ABLIM2: variants seen among roughly 807,000 people sequenced by gnomAD.
The protein encoded by ABLIM2 is actin binding LIM protein family member 2.
Under a neutral mutation model 97.7 loss-of-function variants are expected in ABLIM2, and 53 were observed. The ratio of observed to expected loss-of-function variants is 0.54; its 90% confidence interval spans 0.44 to 0.68. The LOEUF is 0.68. ABLIM2 is among the 30% of genes least tolerant of loss of function. ABLIM2 has a pLI of 0.00. For synonymous variants in ABLIM2, 361 were observed against 345.8 expected (o/e 1.04, Z -0.49); for missense variants, 835 against 867.2 (o/e 0.96, Z 0.47).
chr4:8,123,761 C>A lies in ABLIM2; in HGVS notation c.11-17124G>T, dbSNP rs1011107562. 5.9e-5 allele frequency among the ~76,000 whole-genome samples: 9 copies of A among 152,098 alleles called. No individual in the cohort carries two copies. Among genetic ancestry groups the A allele is most frequent in the African/African-American group, 2.2e-4 (9 of 41,404 alleles). ...TACACATGGGCAGGCAGGGGTGTGC[C>A]GGCATTGGGTCACACAGCCCAACTG... On this transcript the variant is annotated intron_variant, in intron 1 of 20. Coordinates refer to ENST00000447017, the MANE Select transcript of ABLIM2 (RefSeq NM_001130083.2). The surrounding 1 kb of genome is among the most constrained non-coding windows in gnomAD (Gnocchi z 6.2).
chr4:8,010,430 C>T (rs1173364790), intron 14 of ABLIM2: 12 of 985,794 alleles, frequency 1.2e-5, no homozygotes, highest in African/African-American at 3.5e-5. Flanking sequence ...GGCTTCTTAC[C>T]TGCAGCGGGC....
intron 1 of ABLIM2, among the ~76,000 whole-genome samples, chr4:8,143,436 A>T (rs1048348827): frequency 6.6e-6 from 1 of 151,828 alleles, no homozygotes; most frequent in Non-Finnish European, 1.5e-5. Flanking sequence ...CCTGCACCCT[A>T]CCCAGGGCCT....
intron 1 of ABLIM2, among the ~76,000 whole-genome samples, chr4:8,157,504 C>T (rs1335503663): frequency 2.6e-5 from 4 of 152,340 alleles, no homozygotes; most frequent in Middle Eastern, 3.4e-3. Context: ...CAAAGGCTCC[C>T]GGCAACGCCG....
At position 7,984,888 on chromosome 4, in the gene ABLIM2, G is replaced by A. The variant is rs569684960; in HGVS notation, c.1686C>T (p.Ala562=). The A allele has an allele frequency of 6.2e-7, 1 of 1,609,108 alleles. No individual in the cohort carries two copies. The highest frequency in any genetic ancestry group is 1.1e-5 in the South Asian group (1 of 89,568). ...HGKNGLDQRN[A]NLAPCGADPD... The stretch of plus-strand genomic sequence containing the variant: ...GGTCTGCTCCACAGGGGGCCAGATT[G>A]GCATTCTGGAAGAGAAAGAGAGGTT... The change falls in exon 18 of 21, where the codon GCC becomes GCT. Residue 562 remains alanine, a synonymous_variant. Transcript: ENST00000447017.
intron 7 of ABLIM2, among the ~76,000 whole-genome samples, chr4:8,057,894 G>C (rs1018940169): frequency 6.6e-6 from 1 of 152,234 alleles, no homozygotes; most frequent in Non-Finnish European, 1.5e-5. Context: ...GTCTCAGGAT[G>C]ACCAGGCAGG....
intron 18 of ABLIM2, 150 bp from the exon 19 acceptor site, chr4:7,983,704 C>A: frequency 1.0e-6 from 1 of 998,562 alleles, no homozygotes; most frequent in Non-Finnish European, 1.5e-6. Context: ...TGCACTGAGG[C>A]CCTAATCTCA....
chr4:7,992,083 G>GT lies in ABLIM2; in HGVS notation c.1680+782dup, dbSNP rs1222569357. Among the ~76,000 whole-genome samples the GT allele has an allele frequency of 6.6e-6, 1 of 152,170 alleles. No homozygotes were observed. Among genetic ancestry groups the GT allele is most frequent in the East Asian group, 1.9e-4 (1 of 5,192 alleles). On this transcript the variant is annotated intron_variant, in intron 17 of 20. Coordinates refer to ENST00000447017, the MANE Select transcript of ABLIM2 (RefSeq NM_001130083.2). The surrounding 1 kb of genome is among the most constrained non-coding windows in gnomAD (Gnocchi z 5.7). ...GGGGAGACCCCTGGGCTGTGTGTGT[G>GT]TGTCTGTGTGTTGGGGGGTCTGGGA...
In ABLIM2 at chr4:8,061,113, C is replaced by A; in HGVS notation, c.676-59G>T. 1 of 1,454,714 alleles carries A rather than the reference C, an allele frequency of 6.9e-7. No individual in the cohort carries two copies. Among genetic ancestry groups the A allele is most frequent in the Non-Finnish European group, 9.4e-7 (1 of 1,061,752 alleles). 90.1% of individuals were successfully genotyped at this position (1,454,714 alleles called of 1,614,324 possible). On this transcript the variant is annotated intron_variant, in intron 6 of 20. Coordinates refer to ENST00000447017, the MANE Select transcript of ABLIM2 (RefSeq NM_001130083.2). This position sits in a 1 kb window ranked among gnomAD's most constrained non-coding sequence, Gnocchi z 4.5. Reference sequence around the variant, plus strand: ...TAAAGCCAGAAAGGTCGGCTGGGTCCCAGCGCCCGGCATGGATACAGCATG... The same window carrying A: ...TAAAGCCAGAAAGGTCGGCTGGGTCACAGCGCCCGGCATGGATACAGCATG...
chr4:8,076,362 G>A (rs1816008112), intron 6 of ABLIM2, among the ~76,000 whole-genome samples: 1 of 152,202 alleles, frequency 6.6e-6, no homozygotes. Context: ...CCAGCTGTGG[G>A]AGCTGCAGAG....
intron 20 of ABLIM2, among the ~76,000 whole-genome samples, chr4:7,973,075 C>CTGTGTGTGTGTGTG (rs71175444): frequency 0.012 from 1,455 of 124,014 alleles, 44 homozygotes; most frequent in Middle Eastern, 0.017. Flanking sequence ...GCTCCCCTTG[C>CTGTGTGTGTGTGTG]TGTGTGTGTG....
At position 8,045,041 on chromosome 4, in the gene ABLIM2, A is replaced by G. The variant is rs183091212; in HGVS notation, c.900+123T>C. 3.4e-3 allele frequency: 2,840 copies of G among 845,068 alleles called. 8 individuals carry two copies. Among genetic ancestry groups the G allele is most frequent in the Middle Eastern group, 4.5e-3 (13 of 2,858 alleles). 52.3% of individuals were successfully genotyped at this position (845,068 alleles called of 1,614,324 possible). A position where few individuals can be genotyped will look rare whatever the true frequency, so the allele number is the denominator to read the frequency against. ...AAGCAGGGACAAGAGCAATGGCCGTACCTCAGGCCCCAGATGATAGTTCTC... is the reference window on the plus strand; with the variant it reads ...AAGCAGGGACAAGAGCAATGGCCGTGCCTCAGGCCCCAGATGATAGTTCTC... On this transcript the variant is annotated intron_variant, in intron 9 of 20. Coordinates refer to ENST00000447017, the MANE Select transcript of ABLIM2 (RefSeq NM_001130083.2).
intron 10 of ABLIM2, among the ~76,000 whole-genome samples, chr4:8,035,306 T>C (rs962432681): frequency 1.3e-5 from 2 of 152,122 alleles, no homozygotes; most frequent in Admixed American, 1.3e-4. Flanking sequence ...CCAGCAGCCA[T>C]GACTTTCTCG....
chr4:8,108,814 C>T (rs890858256), intron 1 of ABLIM2, among the ~76,000 whole-genome samples: 39 of 152,374 alleles, frequency 2.6e-4, no homozygotes, highest in African/African-American at 8.9e-4. Context: ...AGAAAGTTGC[C>T]TCCACTTGTC....
At chr4:8,135,811 G>A (rs963606623) in intron 1 of ABLIM2, among the ~76,000 whole-genome samples, 1 of 152,220 alleles carries the variant, frequency 6.6e-6, no homozygotes, top group African/African-American at 2.4e-5. Flanking sequence ...CGGCTGACCT[G>A]TTTCCTCATC....
At chr4:8,073,592 G>A (rs1813851206) in intron 6 of ABLIM2, among the ~76,000 whole-genome samples, 1 of 151,860 alleles carries the variant, frequency 6.6e-6, no homozygotes, top group African/African-American at 2.4e-5. Flanking sequence ...AGAGAGGAGA[G>A]GGCCAGGCAG....
rs1410991761 is a variant in ABLIM2, at chr4:8,007,858, C to T, written c.1618+201G>A. The T allele has an allele frequency of 8.7e-6, 12 of 1,386,088 alleles. No individual in the cohort carries two copies. The South Asian group carries it at 1.8e-4, about 21-fold the overall frequency. 85.9% of individuals were successfully genotyped at this position (1,386,088 alleles called of 1,614,324 possible). On this transcript the variant is annotated intron_variant, in intron 16 of 20. Coordinates refer to ENST00000447017, the MANE Select transcript of ABLIM2 (RefSeq NM_001130083.2). Reference sequence around the variant, plus strand: ...GGCGTGGCCCTCGTTAGCACACTGGCTCGGGGACAGTTCTTGGGAAGCCGG... The same window carrying T: ...GGCGTGGCCCTCGTTAGCACACTGGTTCGGGGACAGTTCTTGGGAAGCCGG...
At chr4:7,989,464 T>C (rs1747019203) in intron 17 of ABLIM2, 1 of 985,066 alleles carries the variant, frequency 1.0e-6, no homozygotes, top group South Asian at 4.7e-5. Context: ...CCATGTTGCT[T>C]GGTGCATTTA....
intron 3 of ABLIM2, among the ~76,000 whole-genome samples, chr4:8,093,820 G>T (rs550128380): frequency 6.6e-6 from 1 of 152,316 alleles, no homozygotes; most frequent in South Asian, 2.1e-4. Flanking sequence ...GATTAGGATA[G>T]ATTTGGTAGA....
chr4:8,056,305 C>CT (rs71175456), intron 7 of ABLIM2, among the ~76,000 whole-genome samples: 37,008 of 128,162 alleles, frequency 0.29, 5,750 homozygotes, highest in East Asian at 0.49. Context: ...TTCTTTCTTT[C>CT]TTTTTTTTTT....
Sources: gnomAD v4.1 joint callset for allele counts (sites outside exome capture counted in the v4.1 genomes callset) on GRCh38, gnomAD v4.1.1 for gene constraint, Gnocchi (gnomAD v3.1) non-coding constraint, MANE v1.5 for transcripts, NCBI Gene and HGNC (gene_info 2026-07-23, HGNC 2026-07-21) for gene names.